The following LHFPL3 variants were observed in gnomAD, a reference collection of about 807,000 sequenced individuals.
LHFPL3 encodes the protein LHFPL tetraspan subfamily member 3 protein.
LHFPL3 carries 5 observed loss-of-function variants against 19.3 expected under a neutral mutation model. That is an observed-to-expected ratio of 0.26 (90% CI 0.14 to 0.54). The LOEUF (loss-of-function observed/expected upper bound fraction) is 0.54. Ranked by LOEUF, LHFPL3 falls within the 20% of genes least tolerant of loss-of-function variation. The pLI is 0.94. For missense variants in LHFPL3, 249 were observed against 307.4 expected (o/e 0.81, Z 1.42); for synonymous variants, 133 against 126.2 (o/e 1.05, Z -0.36).
intron 1 of LHFPL3, among the ~76,000 whole-genome samples, chr7:104,422,293 G>A (rs560645497): frequency 5.9e-5 from 9 of 152,172 alleles, no homozygotes; most frequent in Non-Finnish European, 1.0e-4. Flanking sequence ...CCCGGGAGGT[G>A]GAGGTTGCAG....
At chr7:104,643,740 C>A (rs536184762) in intron 1 of LHFPL3, among the ~76,000 whole-genome samples, 2 of 152,328 alleles carry the variant, frequency 1.3e-5, no homozygotes, top group Admixed American at 6.5e-5. Flanking sequence ...AAGCTGAAAA[C>A]TACTGGTTTT....
At chr7:104,674,362 T>G (rs925940479) in intron 1 of LHFPL3, among the ~76,000 whole-genome samples, 1 of 150,536 alleles carries the variant, frequency 6.6e-6, no homozygotes, top group African/African-American at 2.5e-5. Context: ...CTGTTTTTCT[T>G]TTTCTTTTTC....
intron 2 of LHFPL3, among the ~76,000 whole-genome samples, chr7:104,890,276 G>A (rs1255356684): frequency 6.6e-6 from 1 of 151,952 alleles, no homozygotes; most frequent in African/African-American, 2.4e-5. Context: ...TCACTCACCT[G>A]GTCAACAAAG....
At chr7:104,791,581 T>C (rs1790025185) in intron 2 of LHFPL3, among the ~76,000 whole-genome samples, 1 of 152,114 alleles carries the variant, frequency 6.6e-6, no homozygotes, top group Admixed American at 6.6e-5. Context: ...CTTTTCTGTA[T>C]CTAGAAAAAC....
chr7:104,765,899 T>C (rs1794449162), intron 2 of LHFPL3, among the ~76,000 whole-genome samples: 1 of 152,230 alleles, frequency 6.6e-6, no homozygotes, highest in Non-Finnish European at 1.5e-5. Flanking sequence ...TCAGGACAAG[T>C]TCTGGCAATC....
intron 1 of LHFPL3, among the ~76,000 whole-genome samples, chr7:104,434,936 ATTAAT>A (rs1181524146): frequency 6.6e-6 from 1 of 152,168 alleles, no homozygotes; most frequent in Non-Finnish European, 1.5e-5. Context: ...TTGCTTACTT[ATTAAT>A]TTATAAATAC....
At chr7:104,880,464 G>A (rs569477379) in intron 2 of LHFPL3, among the ~76,000 whole-genome samples, 84 of 152,128 alleles carry the variant, frequency 5.5e-4, no homozygotes, top group Non-Finnish European at 9.4e-4. Flanking sequence ...CAACACAAAC[G>A]GAATAATACA....
Position 104,829,551 on chromosome 7 carries a change from G to A in LHFPL3, c.683-76636G>A, listed in dbSNP as rs566459586. 5.5e-4 allele frequency among the ~76,000 whole-genome samples: 83 copies of A among 151,440 alleles called. 2 individuals are homozygous for A. The highest frequency in any genetic ancestry group is 2.9e-3 in the South Asian group (14 of 4,806). On this transcript the variant is annotated intron_variant, in intron 2 of 2. Transcript: ENST00000424859. The stretch of plus-strand genomic sequence containing the variant: ...TGTGTCCAGGTGTTCTCATTGTTCA[G>A]TTCCCACCTATGAGTGAGAACATGT...
intron 2 of LHFPL3, among the ~76,000 whole-genome samples, chr7:104,773,156 C>G (rs1334581644): frequency 6.6e-6 from 1 of 152,204 alleles, no homozygotes; most frequent in Non-Finnish European, 1.5e-5. Context: ...CCAGAGAAGT[C>G]CCCTGGTGGG....
chr7:104,539,584 C>T (rs1371948135), intron 1 of LHFPL3, among the ~76,000 whole-genome samples: 1 of 152,052 alleles, frequency 6.6e-6, no homozygotes, highest in East Asian at 1.9e-4. Context: ...GGGTTCAGGT[C>T]AAGGAAGAAA....
At chr7:104,457,691 G>C (rs373463822) in intron 1 of LHFPL3, among the ~76,000 whole-genome samples, 17,076 of 127,676 alleles carry the variant, frequency 0.13, 1,109 homozygotes, top group African/African-American at 0.18. Flanking sequence ...AATCGCCACA[G>C]TGACTTCCAC....
chr7:104,414,034 A>C (rs1287915298), intron 1 of LHFPL3, among the ~76,000 whole-genome samples: 5 of 152,106 alleles, frequency 3.3e-5, no homozygotes, highest in Non-Finnish European at 7.4e-5. Context: ...TACAGAGTGA[A>C]TATTTAATGT....
At chr7:104,792,584 A>T (rs2116451085) in intron 2 of LHFPL3, among the ~76,000 whole-genome samples, 1 of 152,310 alleles carries the variant, frequency 6.6e-6, no homozygotes, top group East Asian at 1.9e-4. Flanking sequence ...AGCTCCCACA[A>T]GCACTTTGTT....
At chr7:104,605,477 A>T (rs1346930642) in intron 1 of LHFPL3, among the ~76,000 whole-genome samples, 2 of 152,242 alleles carry the variant, frequency 1.3e-5, no homozygotes, top group Non-Finnish European at 2.9e-5. Flanking sequence ...CTGCTACAGT[A>T]GTGCAAACTT....
At chr7:104,638,106 C>A (rs1259380034) in intron 1 of LHFPL3, among the ~76,000 whole-genome samples, 1 of 151,904 alleles carries the variant, frequency 6.6e-6, no homozygotes, top group African/African-American at 2.4e-5. Context: ...GATGTTTCAC[C>A]CCCTGGTTAG....
intron 1 of LHFPL3, among the ~76,000 whole-genome samples, chr7:104,353,371 G>A (rs1790216721): frequency 6.6e-6 from 1 of 152,084 alleles, no homozygotes; most frequent in African/African-American, 2.4e-5. Flanking sequence ...GTATCCAAGG[G>A]ACCACAGTTT....
chr7:104,904,139 C>A lies in LHFPL3; in HGVS notation c.683-2048C>A, dbSNP rs116976904. Reference sequence around the variant, plus strand: ...AGACTAATCATCATTATGACATGATCATATTTCAATTATCCTCTGTGTAGT... The same window carrying A: ...AGACTAATCATCATTATGACATGATAATATTTCAATTATCCTCTGTGTAGT... On this transcript the variant is annotated intron_variant, in intron 2 of 2. Transcript: ENST00000424859. Among the ~76,000 whole-genome samples, 38 of 152,252 alleles carry A rather than the reference C, an allele frequency of 2.5e-4. 1 individual carries two copies. Among genetic ancestry groups the A allele is most frequent in the Admixed American group, 1.4e-3 (22 of 15,292 alleles).
intron 2 of LHFPL3, chr7:104,803,408 G>T (rs1790295106): frequency 6.6e-6 from 1 of 152,198 alleles, no homozygotes; most frequent in African/African-American, 2.4e-5. Flanking sequence ...ATCGTTATTA[G>T]CCTTTACGAC....
chr7:104,358,347 A>G (rs557678776), intron 1 of LHFPL3, among the ~76,000 whole-genome samples: 2 of 152,290 alleles, frequency 1.3e-5, no homozygotes, highest in South Asian at 4.1e-4. Context: ...AAATAATCAG[A>G]TTTTTATTTG....
Sources: allele counts gnomAD v4.1 joint callset (sites outside exome capture counted in the v4.1 genomes callset), GRCh38; gene constraint gnomAD v4.1.1; transcripts MANE v1.5; gene names NCBI Gene and HGNC (gene_info 2026-07-23, HGNC 2026-07-21).